The following UMAD1 variants were observed in gnomAD, a reference collection of about 807,000 sequenced individuals.
UMAD1 encodes UBAP1-MVB12-associated (UMA) domain containing 1, also known as UBAP1-MVB12-associated (UMA)-domain containing protein 1.
In UMAD1, 8 loss-of-function variants were observed where a neutral mutation model predicts 6.1. That is an observed-to-expected ratio of 1.30 (90% confidence interval 0.76 to 2.35). The LOEUF (loss-of-function observed/expected upper bound fraction) is 2.35, where lower values mean the gene tolerates loss of function less well. Among genes scored for constraint, UMAD1 ranks in the 30% most tolerant of loss-of-function variants. The pLI is 0.00. For missense variants in UMAD1, 130 were observed against 78.4 expected (o/e 1.66, Z -2.49); for synonymous variants, 56 against 31.4 (o/e 1.78, Z -2.61).
chr7:7,688,457 C>T (rs1410891519), intron 2 of UMAD1, among the ~76,000 whole-genome samples: 1 of 152,140 alleles, frequency 6.6e-6, no homozygotes, highest in African/African-American at 2.4e-5. Flanking sequence ...TTATCCGAAT[C>T]CAAGGTGTTT....
At chr7:7,851,721 C>A (rs1318145431) in intron 3 of UMAD1, among the ~76,000 whole-genome samples, 1 of 152,008 alleles carries the variant, frequency 6.6e-6, no homozygotes, top group Non-Finnish European at 1.5e-5. Context: ...TTCGCTTATT[C>A]TTTTTAATTC....
chr7:7,663,822 G>C (rs911175998), intron 1 of UMAD1, among the ~76,000 whole-genome samples: 1 of 152,160 alleles, frequency 6.6e-6, no homozygotes, highest in Admixed American at 6.5e-5. Flanking sequence ...TTACATGCAT[G>C]ACTATCAGTT....
At chr7:7,851,015 C>T (rs534222636) in intron 3 of UMAD1, among the ~76,000 whole-genome samples, 1 of 152,076 alleles carries the variant, frequency 6.6e-6, no homozygotes, top group Admixed American at 6.5e-5. Context: ...TAAAACCTAA[C>T]TTATGACCAG....
intron 2 of UMAD1, among the ~76,000 whole-genome samples, chr7:7,791,814 A>C (rs1782572778): frequency 6.6e-6 from 1 of 152,242 alleles, no homozygotes; most frequent in African/African-American, 2.4e-5. Flanking sequence ...CTTTTAAAGT[A>C]GTAAGCATGT....
intron 2 of UMAD1, among the ~76,000 whole-genome samples, chr7:7,697,091 C>G (rs1489819028): frequency 6.6e-6 from 1 of 152,128 alleles, no homozygotes; most frequent in Non-Finnish European, 1.5e-5. Flanking sequence ...GATTTTCAGT[C>G]AGGATAAGTC....
chr7:7,866,333 A>G (rs1301677481), intron 3 of UMAD1, among the ~76,000 whole-genome samples: 1 of 152,210 alleles, frequency 6.6e-6, no homozygotes, highest in African/African-American at 2.4e-5. Flanking sequence ...TGGGGGTGAC[A>G]GGGAATTCTA....
At chr7:7,648,884 C>A (rs909479818) in intron 1 of UMAD1, among the ~76,000 whole-genome samples, 1 of 148,012 alleles carries the variant, frequency 6.8e-6, no homozygotes, top group Non-Finnish European at 1.5e-5. Context: ...AAAGGCCGGG[C>A]GCGGTCGCTC....
At chr7:7,663,320 G>C (rs1438414729) in intron 1 of UMAD1, among the ~76,000 whole-genome samples, 1 of 144,360 alleles carries the variant, frequency 6.9e-6, no homozygotes, top group Admixed American at 7.1e-5. Flanking sequence ...AAAAGTCTGA[G>C]CATAAATAAG....
At chr7:7,857,232 A>G (rs1486098128) in intron 3 of UMAD1, among the ~76,000 whole-genome samples, 6 of 152,284 alleles carry the variant, frequency 3.9e-5, no homozygotes, top group Admixed American at 3.9e-4. Flanking sequence ...TTTCTTCCAC[A>G]GTTAAGGGTC....
At chr7:7,715,295 C>A (rs1460785310) in intron 2 of UMAD1, 3 of 151,996 alleles carry the variant, frequency 2.0e-5, no homozygotes, top group African/African-American at 7.3e-5. Context: ...AATACAGTTT[C>A]ATCAATGATC....
intron 2 of UMAD1, among the ~76,000 whole-genome samples, chr7:7,778,275 TGA>T (rs1554327252): frequency 0.033 from 3,601 of 110,048 alleles, 51 homozygotes; most frequent in Non-Finnish European, 0.046. Context: ...TGTGTGTGTG[TGA>T]GAGAGAGAGA....
intron 3 of UMAD1, among the ~76,000 whole-genome samples, chr7:7,863,877 T>G (rs2882014): frequency 0.71 from 108,194 of 152,114 alleles, 39,182 homozygotes; most frequent in Middle Eastern, 0.85. Context: ...AGTAGAGAGA[T>G]AAGGAGAAAG....
intron 2 of UMAD1, among the ~76,000 whole-genome samples, chr7:7,730,773 G>T (rs1383930806): frequency 1.3e-5 from 2 of 152,124 alleles, no homozygotes; most frequent in African/African-American, 4.8e-5. Flanking sequence ...GCAATATTAA[G>T]CAGAAAGATG....
At chr7:7,658,865 G>A (rs1785407291) in intron 1 of UMAD1, among the ~76,000 whole-genome samples, 1 of 152,130 alleles carries the variant, frequency 6.6e-6, no homozygotes, top group African/African-American at 2.4e-5. Flanking sequence ...GTTTGGAATA[G>A]TTTCAGAAGG....
At chr7:7,756,130 T>G (rs115377487) in intron 2 of UMAD1, among the ~76,000 whole-genome samples, 2,584 of 152,184 alleles carry the variant, frequency 0.017, 61 homozygotes, top group African/African-American at 0.054. Flanking sequence ...CTAGGCATAG[T>G]GTGAAGTTGG....
intron 2 of UMAD1, among the ~76,000 whole-genome samples, chr7:7,794,197 G>A (rs1200934813): frequency 6.6e-6 from 1 of 152,118 alleles, no homozygotes; most frequent in Non-Finnish European, 1.5e-5. Flanking sequence ...ACAGCCCTTT[G>A]CATGCAGACA....
intron 2 of UMAD1, among the ~76,000 whole-genome samples, chr7:7,788,017 G>A (rs984440615): frequency 1.3e-5 from 2 of 152,138 alleles, no homozygotes; most frequent in African/African-American, 2.4e-5. Flanking sequence ...CATGTTTGCC[G>A]CAATGCACCA....
chr7:7,669,561 T>C (rs1779553470), intron 1 of UMAD1, among the ~76,000 whole-genome samples: 2 of 152,228 alleles, frequency 1.3e-5, no homozygotes, highest in Admixed American at 6.5e-5. Context: ...TTACTCAAGA[T>C]ACATGGTTAG....
intron 2 of UMAD1, among the ~76,000 whole-genome samples, chr7:7,721,441 C>T (rs919457986): frequency 1.3e-5 from 2 of 152,140 alleles, no homozygotes; most frequent in African/African-American, 4.8e-5. Context: ...ACTACTGCTG[C>T]ATAATTGTGA....
Sources: allele counts gnomAD v4.1 joint callset (sites outside exome capture counted in the v4.1 genomes callset), GRCh38; gene constraint gnomAD v4.1.1; transcripts MANE v1.5; gene names NCBI Gene and HGNC (gene_info 2026-07-23, HGNC 2026-07-21).